The following VANGL1 variants were observed in gnomAD, a reference collection of about 807,000 sequenced individuals.
The protein encoded by VANGL1 is VANGL planar cell polarity protein 1, also known as vang-like protein 1.
In VANGL1, 18 loss-of-function variants were observed where a neutral mutation model predicts 48.4. That is an observed-to-expected ratio of 0.37 (90% confidence interval 0.26 to 0.55). VANGL1 has a LOEUF of 0.55. VANGL1 is among the 20% of genes least tolerant of loss of function. The pLI, the probability that VANGL1 is intolerant of heterozygous loss-of-function variation, is 0.81. For synonymous variants in VANGL1, 257 were observed against 261.8 expected, an observed-to-expected ratio of 0.98 and a Z score of 0.18; for missense variants, 667 against 675.8, an observed-to-expected ratio of 0.99 and a Z score of 0.14.
chr1:115,697,094 A>C lies in VANGL1; in HGVS notation c.*5715A>C, dbSNP rs763132577. The C allele has an allele frequency of 6.6e-6, 1 of 152,228 alleles. No individual in the cohort carries two copies. The highest frequency in any genetic ancestry group is 1.5e-5 in the Non-Finnish European group (1 of 68,038). The allele number at this position is 152,228 out of a possible 1,614,324, so 9.4% of individuals were successfully genotyped here. ...CATTTAGGAGTGTTTAATTCTAAAA[A>C]GCCTTCAGCCTAAGAAAGCTTCATC... On this transcript the variant is annotated 3_prime_UTR_variant, in exon 8 of 8. Transcript: ENST00000355485.
In VANGL1 at chr1:115,658,644, A is replaced by T. The variant is rs117827778; in HGVS notation, c.72-997A>T. 1.5e-3 allele frequency among the ~76,000 whole-genome samples: 221 copies of T among 152,240 alleles called. 4 individuals are homozygous for T. The East Asian group carries it at 0.038, about 26-fold the overall frequency. On this transcript the variant is annotated intron_variant, in intron 2 of 7. Transcript: ENST00000355485. ...CAAGTGGTTGTAGGAAGGAGGGCTGATGTCAAGGTGGCTGTGGGGGCAGGA... is the reference window on the plus strand; with the variant it reads ...CAAGTGGTTGTAGGAAGGAGGGCTGTTGTCAAGGTGGCTGTGGGGGCAGGA...
chr1:115,642,266 C>T (rs535157943), intron 1 of VANGL1, among the ~76,000 whole-genome samples, 180 bp downstream of exon 1: 1 of 152,040 alleles, frequency 6.6e-6, no homozygotes, highest in African/African-American at 2.4e-5. Flanking sequence ...CTCCCCTCCT[C>T]CGGAGCGCTC....
intron 4 of VANGL1, among the ~76,000 whole-genome samples, chr1:115,674,943 C>T (rs1218951074): frequency 6.9e-6 from 1 of 145,396 alleles, no homozygotes; most frequent in Admixed American, 7.0e-5. Flanking sequence ...ACCATGTGTA[C>T]GTCTGTGTGT....
rs1199876437 is a variant in VANGL1 at position 115,697,430 on chromosome 1, TCCTCTGGGAC to T, written c.*6054_*6063del. ...GGTAGGCTTTAATTAAATGGCAAAC[TCCTCTGGGAC>T]CCCTAAGTTATGGCGTGATTAGCCA... On this transcript the variant is annotated 3_prime_UTR_variant, in exon 8 of 8. Transcript: ENST00000355485. 2.0e-5 allele frequency: 3 copies of T among 152,204 alleles called. No individual in the cohort carries two copies. Among genetic ancestry groups the T allele is most frequent in the Non-Finnish European group, 4.4e-5 (3 of 68,026 alleles). 9.4% of individuals were successfully genotyped at this position (152,204 alleles called of 1,614,324 possible). A position where few individuals can be genotyped will look rare whatever the true frequency, so the allele number is the denominator to read the frequency against.
rs997717371 is a variant in VANGL1 at position 115,692,791 on chromosome 1, G to C, written c.*1412G>C. 6.6e-6 allele frequency: 1 copy of C among 152,256 alleles called. No individual in the cohort carries two copies. The highest frequency in any genetic ancestry group is 1.5e-5 in the Non-Finnish European group (1 of 68,078). The allele number at this position is 152,256 out of a possible 1,614,324, so 9.4% of individuals were successfully genotyped here. A position where few individuals can be genotyped will look rare whatever the true frequency, so the allele number is the denominator to read the frequency against. On this transcript the variant is annotated 3_prime_UTR_variant, in exon 8 of 8. Transcript: ENST00000355485. ...GCCCCATCCGGACCTCTTGCACTGG[G>C]CTGCCTTTGCCTCCATTTGCCTTCC...
chr1:115,672,231 G>A (rs896922241), intron 4 of VANGL1, among the ~76,000 whole-genome samples: 1 of 152,116 alleles, frequency 6.6e-6, no homozygotes, highest in African/African-American at 2.4e-5. Flanking sequence ...CTTCCTTGGC[G>A]CTCTGGGATT....
rs1652135670 is a variant in VANGL1 at position 115,651,374 on chromosome 1, C to T, written c.-40C>T. 1.3e-6 allele frequency: 2 copies of T among 1,593,622 alleles called. No homozygotes were observed. Among genetic ancestry groups the T allele is most frequent in the Non-Finnish European group, 1.7e-6 (2 of 1,162,768 alleles). ...GAAATTTTCTACCTCTAAGGAGAAA[C>T]AGTACCTGCTCCTTCCTCAAGCGCA... On this transcript the variant is annotated 5_prime_UTR_variant, in exon 2 of 8. Transcript: ENST00000355485.
rs1653688005 is a variant in VANGL1 at position 115,687,901 on chromosome 1, C to G, written c.1314+2374C>G. Among the ~76,000 whole-genome samples, 2 of 136,108 alleles carry G rather than the reference C, an allele frequency of 1.5e-5. 1 individual carries two copies. The highest frequency in any genetic ancestry group is 3.2e-5 in the Non-Finnish European group (2 of 62,892). 89.3% of individuals were successfully genotyped at this position (136,108 alleles called of 152,430 possible). ...TCAGCCTTGCAAAGTGCTAGTATTA[C>G]AGGCCACCACCCCGGCCTATATATA... On this transcript the variant is annotated intron_variant, in intron 7 of 7. Coordinates refer to ENST00000355485, the MANE Select transcript of VANGL1 (RefSeq NM_138959.3).
At chr1:115,686,278 A>T (rs1229879692) in intron 7 of VANGL1, among the ~76,000 whole-genome samples, 1 of 151,654 alleles carries the variant, frequency 6.6e-6, no homozygotes, top group Non-Finnish European at 1.5e-5. Context: ...ATTGGTAAAA[A>T]ATAGAATGGC....
rs1653968273 is a variant in VANGL1, at chr1:115,694,624, A to ATATGCTGGTAGCAT, written c.*3245_*3246insTATGCTGGTAGCAT. 1 of 152,030 alleles carries ATATGCTGGTAGCAT rather than the reference A, an allele frequency of 6.6e-6. No homozygotes were observed. Among genetic ancestry groups the ATATGCTGGTAGCAT allele is most frequent in the Non-Finnish European group, 1.5e-5 (1 of 68,008 alleles). 9.4% of individuals were successfully genotyped at this position (152,030 alleles called of 1,614,324 possible). A position where few individuals can be genotyped will look rare whatever the true frequency, so the allele number is the denominator to read the frequency against. ...AGAAATTGATTACCTTGCCACTCCA[A>ATATGCTGGTAGCAT]CCTACGTACTGAGTGAGTGCTCCAG... On this transcript the variant is annotated 3_prime_UTR_variant, in exon 8 of 8. Transcript: ENST00000355485.
At chr1:115,652,453 T>C (rs1449836072) in intron 2 of VANGL1, among the ~76,000 whole-genome samples, 1 of 152,192 alleles carries the variant, frequency 6.6e-6, no homozygotes, top group African/African-American at 2.4e-5. Flanking sequence ...TTGTCATCTG[T>C]AAAATGGGTA....
At chr1:115,675,973 G>T (rs1653146892) in intron 4 of VANGL1, among the ~76,000 whole-genome samples, 2 of 152,078 alleles carry the variant, frequency 1.3e-5, no homozygotes, top group South Asian at 4.2e-4. Context: ...TAGGAGCTGT[G>T]TGTATATTCT....
At chr1:115,677,689 A>G (rs1248338519) in intron 4 of VANGL1, among the ~76,000 whole-genome samples, 2 of 152,134 alleles carry the variant, frequency 1.3e-5, no homozygotes, top group Non-Finnish European at 2.9e-5. Flanking sequence ...GCACCAGTTG[A>G]GCACAGAGTC....
chr1:115,659,893 A>G, intron 3 of VANGL1, 120 bp downstream of exon 3: 1 of 1,372,160 alleles, frequency 7.3e-7, no homozygotes, highest in Non-Finnish European at 1.0e-6. Context: ...TAATTAGTTT[A>G]TCTATGTCCC....
chr1:115,658,885 T>C (rs1005199094), intron 2 of VANGL1, among the ~76,000 whole-genome samples: 3 of 152,002 alleles, frequency 2.0e-5, no homozygotes, highest in African/African-American at 7.3e-5. Flanking sequence ...GAAGTTCCTG[T>C]GGGGTAAAAT....
intron 4 of VANGL1, among the ~76,000 whole-genome samples, chr1:115,664,688 T>A (rs1233498241): frequency 6.6e-6 from 1 of 152,200 alleles, no homozygotes; most frequent in African/African-American, 2.4e-5. Context: ...GAATTGTTCC[T>A]TTTTTCCCAC....
rs548667010 is a variant in VANGL1, at chr1:115,648,084, A to G, written c.-137-3193A>G. Reference sequence around the variant, plus strand: ...GAGAGGAGAGGGAGTGTTAGAGGAGAAGTAGTAACATAAGCGGCATCAAAT... The same window carrying G: ...GAGAGGAGAGGGAGTGTTAGAGGAGGAGTAGTAACATAAGCGGCATCAAAT... On this transcript the variant is annotated intron_variant, in intron 1 of 7. Coordinates refer to ENST00000355485, the MANE Select transcript of VANGL1 (RefSeq NM_138959.3). Among the ~76,000 whole-genome samples, 6 of 152,122 alleles carry G rather than the reference A, an allele frequency of 3.9e-5. No individual in the cohort carries two copies. In the East Asian group the frequency reaches 1.2e-3, roughly 29 times the overall value.
At position 115,693,245 on chromosome 1, in the gene VANGL1, C is replaced by T. The variant is rs1342184158; in HGVS notation, c.*1866C>T. 2.6e-5 allele frequency: 4 copies of T among 152,586 alleles called. No homozygotes were observed. Among genetic ancestry groups the T allele is most frequent in the African/African-American group, 9.7e-5 (4 of 41,432 alleles). 9.5% of individuals were successfully genotyped at this position (152,586 alleles called of 1,614,324 possible). ...TTAGATCCCTTCAAACTGGAAGTTC[C>T]TTACAATATCTTTCTCAGGAAATAT... On this transcript the variant is annotated 3_prime_UTR_variant, in exon 8 of 8. Transcript: ENST00000355485.
chr1:115,680,544 G>A (rs1210742157), intron 4 of VANGL1, among the ~76,000 whole-genome samples: 1 of 152,220 alleles, frequency 6.6e-6, no homozygotes, highest in Non-Finnish European at 1.5e-5. Context: ...GATTTCCCCT[G>A]ATAGTGTTCC....
Sources: allele counts gnomAD v4.1 joint callset (sites outside exome capture counted in the v4.1 genomes callset), GRCh38; gene constraint gnomAD v4.1.1; transcripts MANE v1.5; gene names NCBI Gene and HGNC (gene_info 2026-07-23, HGNC 2026-07-21).